ASAP1: variants seen among roughly 807,000 people sequenced by gnomAD.
ASAP1 encodes arf-GAP with SH3 domain, ANK repeat and PH domain-containing protein 1.
A neutral mutation model predicts 145.2 loss-of-function variants in ASAP1; 43 were observed. The observed-to-expected ratio is 0.30, with a 90% CI of 0.23 to 0.38. The LOEUF is 0.38. ASAP1 is among the 10% of genes least tolerant of loss of function. ASAP1 has a pLI of 1.00. For synonymous variants in ASAP1, 546 were observed against 515.5 expected, an observed-to-expected ratio of 1.06 and a Z score of -0.80; for missense variants, 1,018 against 1,355.3, an observed-to-expected ratio of 0.75 and a Z score of 3.91.
chr8:130,293,507 C>T (rs1822071028), intron 3 of ASAP1, among the ~76,000 whole-genome samples: 2 of 152,200 alleles, frequency 1.3e-5, no homozygotes, highest in African/African-American at 2.4e-5. Context: ...GGTGACAAGA[C>T]GTGCTCAGGC....
chr8:130,141,687 T>C (rs562504219), intron 13 of ASAP1, among the ~76,000 whole-genome samples: 1 of 152,224 alleles, frequency 6.6e-6, no homozygotes, highest in South Asian at 2.1e-4. Flanking sequence ...ACTGGCACTA[T>C]ATGCGCACGC....
At chr8:130,102,201 T>C (rs1308011115) in intron 24 of ASAP1, among the ~76,000 whole-genome samples, 3 of 152,234 alleles carry the variant, frequency 2.0e-5, no homozygotes, top group African/African-American at 7.2e-5. Flanking sequence ...AGCTTTCAGC[T>C]TTCCCCCATT....
chr8:130,078,441 C>T (rs1244876211), intron 26 of ASAP1, among the ~76,000 whole-genome samples: 2 of 152,046 alleles, frequency 1.3e-5, no homozygotes, highest in East Asian at 3.9e-4. Flanking sequence ...TATGTACCAC[C>T]ATACCCGGCT....
intron 2 of ASAP1, among the ~76,000 whole-genome samples, chr8:130,362,731 G>A (rs1307898493): frequency 6.6e-6 from 1 of 152,188 alleles, no homozygotes; most frequent in Non-Finnish European, 1.5e-5. Flanking sequence ...TATTTTCAAA[G>A]TATCCTTTGT....
chr8:130,075,199 C>A lies in ASAP1; in HGVS notation c.2701+1149G>T, dbSNP rs1165118529. The stretch of plus-strand genomic sequence containing the variant: ...AAACTCTTCTGAGATCAAAACAGCC[C>A]GTTGGGCAGAGTTTAAAAATAAAAG... On this transcript the variant is annotated intron_variant, in intron 27 of 29. Coordinates refer to ENST00000518721, the MANE Select transcript of ASAP1 (RefSeq NM_018482.4). 2.0e-5 allele frequency among the ~76,000 whole-genome samples: 3 copies of A among 152,118 alleles called. No individual in the cohort carries two copies. In the East Asian group the frequency reaches 5.8e-4, roughly 29 times the overall value.
chr8:130,118,193 A>C lies in ASAP1; in HGVS notation c.1848T>G (p.Ser616=). The C allele has an allele frequency of 6.2e-7, 1 of 1,613,996 alleles. No individual in the cohort carries two copies. The highest frequency in any genetic ancestry group is 1.3e-5 in the African/African-American group (1 of 75,028). The change falls in exon 20 of 30, where the codon TCT becomes TCG. Residue 616 remains serine, a synonymous_variant. Coordinates refer to ENST00000518721, the MANE Select transcript of ASAP1 (RefSeq NM_018482.4). ...HLAVRTADQT[S]LHLVDFLVQN... ...GTACAAGGAAGTCAACCAAATGGAG[A>C]GATGTCTGATCTGCAGTTCGGACGG...
At chr8:130,412,127 T>C (rs1182110613) in intron 1 of ASAP1, among the ~76,000 whole-genome samples, 3 of 152,142 alleles carry the variant, frequency 2.0e-5, no homozygotes, top group Non-Finnish European at 4.4e-5. Flanking sequence ...GTCATCCCAC[T>C]TTACAGAGGA....
intron 3 of ASAP1, 24 bp downstream of exon 3, chr8:130,357,993 G>C (rs768917705): frequency 1.9e-6 from 3 of 1,593,758 alleles, no homozygotes; most frequent in Non-Finnish European, 2.6e-6. Flanking sequence ...GAGCGTGGAC[G>C]GCGGGGGTCC....
chr8:130,085,365 T>C (rs765669445), intron 25 of ASAP1, among the ~76,000 whole-genome samples: 2 of 152,222 alleles, frequency 1.3e-5, no homozygotes, highest in Non-Finnish European at 1.5e-5. Flanking sequence ...GCTACCTTTA[T>C]TCTCCCTTTG....
chr8:130,104,107 C>A (rs1374434587), intron 24 of ASAP1, among the ~76,000 whole-genome samples: 1 of 152,200 alleles, frequency 6.6e-6, no homozygotes, highest in Non-Finnish European at 1.5e-5. Flanking sequence ...CCACAGCTCT[C>A]CTGCCAGGGC....
At chr8:130,124,932 C>T (rs1434652729) in intron 17 of ASAP1, among the ~76,000 whole-genome samples, 3 of 152,080 alleles carry the variant, frequency 2.0e-5, no homozygotes, top group Admixed American at 6.5e-5. Context: ...ACTAGGGAGC[C>T]GAGTATCAGC....
chr8:130,196,784 A>G (rs1815520454), intron 5 of ASAP1, among the ~76,000 whole-genome samples: 1 of 152,242 alleles, frequency 6.6e-6, no homozygotes, highest in African/African-American at 2.4e-5. Flanking sequence ...AAATCCAATT[A>G]AAATAATGAG....
chr8:130,273,447 G>A (rs770537319), intron 3 of ASAP1, among the ~76,000 whole-genome samples: 1 of 152,206 alleles, frequency 6.6e-6, no homozygotes, highest in Non-Finnish European at 1.5e-5. Context: ...GCAAGGAACT[G>A]CGGGGGACAT....
Position 130,087,976 on chromosome 8 carries a change from T to C in ASAP1, c.2572+3997A>G, listed in dbSNP as rs777728872. On this transcript the variant is annotated intron_variant, in intron 25 of 29. Transcript: ENST00000518721. ...TGGGTGAACATATTTTGCATGTGGG[T>C]TGGATGTGACTCTTTGGGGGTCAGA... 2.6e-4 allele frequency among the ~76,000 whole-genome samples: 40 copies of C among 152,136 alleles called. No homozygotes were observed. The South Asian group carries it at 3.1e-3, about 12-fold the overall frequency.
rs565075827 is a variant in ASAP1, at chr8:130,266,754, T to C, written c.187-29760A>G. Among the ~76,000 whole-genome samples the C allele has an allele frequency of 3.4e-4, 52 of 151,570 alleles. No homozygotes were observed. In the South Asian group the frequency reaches 0.011, roughly 31 times the overall value. ...AAAAATAAAGACCTAAATAGTAAAATAAAATGAGAATAAAAATGAGAAAAG... is the reference window on the plus strand; with the variant it reads ...AAAAATAAAGACCTAAATAGTAAAACAAAATGAGAATAAAAATGAGAAAAG... On this transcript the variant is annotated intron_variant, in intron 3 of 29. Transcript: ENST00000518721.
intron 27 of ASAP1, among the ~76,000 whole-genome samples, chr8:130,075,123 C>T (rs908313182): frequency 3.3e-5 from 5 of 152,080 alleles, no homozygotes; most frequent in African/African-American, 7.2e-5. Context: ...CGATCTAGGA[C>T]GGAATCTGGG....
At chr8:130,328,779 T>A (rs975825015) in intron 3 of ASAP1, among the ~76,000 whole-genome samples, 1 of 151,876 alleles carries the variant, frequency 6.6e-6, no homozygotes, top group Non-Finnish European at 1.5e-5. Flanking sequence ...CATGCCACCA[T>A]GCTCAATTAA....
intron 1 of ASAP1, among the ~76,000 whole-genome samples, chr8:130,431,341 G>C (rs1830127545): frequency 6.6e-6 from 1 of 152,156 alleles, no homozygotes; most frequent in Admixed American, 6.5e-5. Context: ...TGGTTCCTCA[G>C]CGGCTTCAAG....
chr8:130,135,654 G>A (rs1049973917), intron 14 of ASAP1, among the ~76,000 whole-genome samples: 9 of 152,128 alleles, frequency 5.9e-5, no homozygotes, highest in African/African-American at 2.2e-4. Context: ...CTGTAAAATG[G>A]AAAACTGATA....
Sources: allele counts gnomAD v4.1 joint callset (sites outside exome capture counted in the v4.1 genomes callset), GRCh38; gene constraint gnomAD v4.1.1; transcripts MANE v1.5; gene names NCBI Gene and HGNC (gene_info 2026-07-23, HGNC 2026-07-21).